The following HIRA variants were observed in gnomAD, a reference collection of about 807,000 sequenced individuals.
HIRA encodes the protein protein HIRA.
In HIRA, 13 loss-of-function variants were observed where a neutral mutation model predicts 126.6. The observed-to-expected ratio is 0.10, with a 90% CI of 0.07 to 0.16. The LOEUF is 0.16. Ranked by LOEUF, HIRA falls within the 10% of genes least tolerant of loss-of-function variation. HIRA has a pLI of 1.00. For synonymous variants in HIRA, 511 were observed against 520.0 expected (o/e 0.98, Z 0.24); for missense variants, 834 against 1,314.4 (o/e 0.63, Z 5.65).
intron 24 of HIRA, among the ~76,000 whole-genome samples, chr22:19,336,244 C>G (rs2088566346): frequency 6.6e-6 from 1 of 152,184 alleles, no homozygotes; most frequent in Non-Finnish European, 1.5e-5. Context: ...ACCTTGAACC[C>G]TAGGTGATCT....
chr22:19,412,258 G>A (rs7286556), intron 1 of HIRA, among the ~76,000 whole-genome samples: 12,656 of 152,134 alleles, frequency 0.083, 1,762 homozygotes, highest in African/African-American at 0.29. Context: ...CAAAGAGCCC[G>A]GACAAGTGAG....
chr22:19,415,822 A>T (rs1271540453), intron 1 of HIRA, among the ~76,000 whole-genome samples: 1 of 152,010 alleles, frequency 6.6e-6, no homozygotes, highest in Non-Finnish European at 1.5e-5. Flanking sequence ...CTTAAAAGTG[A>T]TTTGTAGGCT....
Position 19,417,553 on chromosome 22 carries a change from C to A in HIRA, c.38-6775G>T, listed in dbSNP as rs747045486. 3.4e-4 allele frequency among the ~76,000 whole-genome samples: 52 copies of A among 152,120 alleles called. 1 individual carries two copies. The highest frequency in any genetic ancestry group is 6.5e-4 in the Non-Finnish European group (44 of 68,004). On this transcript the variant is annotated intron_variant, in intron 1 of 24. Coordinates refer to ENST00000263208, the MANE Select transcript of HIRA (RefSeq NM_003325.4). ...AGGAGAATCACTTGAACCTGGGAGGCGGAGGTTGCAGTGGGCCAAGATCCC... is the reference window on the plus strand; with the variant it reads ...AGGAGAATCACTTGAACCTGGGAGGAGGAGGTTGCAGTGGGCCAAGATCCC...
intron 19 of HIRA, among the ~76,000 whole-genome samples, 188 bp downstream of exon 19, chr22:19,356,702 A>G (rs2088815615): frequency 6.6e-6 from 1 of 152,184 alleles, no homozygotes; most frequent in South Asian, 2.1e-4. Context: ...CCCCTTGCAC[A>G]CTACCCCTCA....
chr22:19,393,397 G>A (rs946494597), intron 8 of HIRA, among the ~76,000 whole-genome samples: 4 of 151,560 alleles, frequency 2.6e-5, no homozygotes, highest in Admixed American at 1.3e-4. Flanking sequence ...TCGCTCTGTC[G>A]CCCAGGCTGG....
intron 5 of HIRA, among the ~76,000 whole-genome samples, chr22:19,402,545 T>C (rs967841056): frequency 1.3e-5 from 2 of 152,238 alleles, no homozygotes; most frequent in African/African-American, 4.8e-5. Context: ...ACTCATTTTA[T>C]TAGTTCTAAG....
chr22:19,417,109 A>T (rs931156412), intron 1 of HIRA, among the ~76,000 whole-genome samples: 4 of 152,110 alleles, frequency 2.6e-5, no homozygotes, highest in Non-Finnish European at 4.4e-5. Context: ...CTGAAGCAGG[A>T]GAATCACTTG....
At chr22:19,411,966 G>T (rs2089356404) in intron 1 of HIRA, among the ~76,000 whole-genome samples, 1 of 152,220 alleles carries the variant, frequency 6.6e-6, no homozygotes, top group Admixed American at 6.5e-5. Context: ...GAGAGCCGCA[G>T]CCATGTAGTC....
chr22:19,427,469 C>T (rs1469471866), intron 1 of HIRA, among the ~76,000 whole-genome samples: 2 of 152,206 alleles, frequency 1.3e-5, no homozygotes, highest in Non-Finnish European at 1.5e-5. Flanking sequence ...ATTTAATTTT[C>T]ATGCTGATGT....
At position 19,394,507 on chromosome 22, in the gene HIRA, A is replaced by G. The variant is rs761427179; in HGVS notation, c.657T>C (p.Cys219=). Residue 219 remains cysteine (C), a splice_region_variant and synonymous_variant, in exon 8 of 25, where the codon TGT becomes TGC. Transcript: ENST00000263208. ...GCCGCAACACATGGGTCGTTCCTCC[A>G]CACTGAAAGAAGCATCTGCACTTGA... ...ETSITKPFDE[C]GGTTHVLRLS... 1.2e-6 allele frequency: 2 copies of G among 1,613,772 alleles called. No homozygotes were observed. The highest frequency in any genetic ancestry group is 2.2e-5 in the South Asian group (2 of 91,076).
At chr22:19,428,770 G>A (rs1377684035) in intron 1 of HIRA, among the ~76,000 whole-genome samples, 2 of 152,000 alleles carry the variant, frequency 1.3e-5, no homozygotes, top group African/African-American at 4.8e-5. Flanking sequence ...AACACTGCAA[G>A]ATCCCATTTC....
chr22:19,336,321 G>T (rs1371428090), intron 24 of HIRA, among the ~76,000 whole-genome samples: 1 of 152,224 alleles, frequency 6.6e-6, no homozygotes, highest in Admixed American at 6.5e-5. Context: ...AAGACCGAAA[G>T]AAATCACAGA....
intron 21 of HIRA, among the ~76,000 whole-genome samples, chr22:19,355,484 C>T (rs2088802488): frequency 6.6e-6 from 1 of 152,176 alleles, no homozygotes; most frequent in Admixed American, 6.5e-5. Flanking sequence ...ACAGCAAAAA[C>T]CATAAAAATT....
intron 3 of HIRA, 77 bp from the exon 4 acceptor site, chr22:19,407,351 T>C: frequency 1.8e-6 from 2 of 1,138,372 alleles, no homozygotes; most frequent in Admixed American, 1.8e-5. Context: ...TGGCAAGATG[T>C]AAAGGGTTTA....
chr22:19,419,641 T>C (rs867912961), intron 1 of HIRA, among the ~76,000 whole-genome samples: 1 of 152,258 alleles, frequency 6.6e-6, no homozygotes, highest in South Asian at 2.1e-4. Context: ...TCAGCTCTTT[T>C]GTCTGTTTTA....
chr22:19,408,939 C>T (rs2089328618), intron 2 of HIRA, among the ~76,000 whole-genome samples: 1 of 152,164 alleles, frequency 6.6e-6, no homozygotes, highest in Non-Finnish European at 1.5e-5. Context: ...ACCTAGACTC[C>T]GACTCCTTGA....
intron 13 of HIRA, among the ~76,000 whole-genome samples, chr22:19,379,140 G>GC (rs1007500950): frequency 5.9e-5 from 9 of 151,290 alleles, no homozygotes; most frequent in Non-Finnish European, 8.8e-5. Context: ...CCATTCTCCT[G>GC]CCTCAGCCTC....
intron 24 of HIRA, among the ~76,000 whole-genome samples, chr22:19,336,043 A>G (rs76960278): frequency 2.6e-5 from 4 of 152,358 alleles, no homozygotes; most frequent in Admixed American, 2.6e-4. Context: ...TGTTAGATTT[A>G]TTCTTAGATA....
rs150332293 is a variant in HIRA at position 19,424,274 on chromosome 22, T to C, written c.37+7166A>G. Among the ~76,000 whole-genome samples the C allele has an allele frequency of 5.2e-3, 785 of 152,366 alleles. 14 individuals carry two copies. Among genetic ancestry groups the C allele is most frequent in the African/African-American group, 0.018 (753 of 41,580 alleles). On this transcript the variant is annotated intron_variant, in intron 1 of 24. Coordinates refer to ENST00000263208, the MANE Select transcript of HIRA (RefSeq NM_003325.4). ...TATGTAAGCCAGTAGGCAACGATGA[T>C]TGATGCAAGAGAGGGCACATGACCT...
Sources: allele counts gnomAD v4.1 joint callset (sites outside exome capture counted in the v4.1 genomes callset), GRCh38; gene constraint gnomAD v4.1.1; transcripts MANE v1.5; gene names NCBI Gene and HGNC (gene_info 2026-07-23, HGNC 2026-07-21).